The following IQSEC1 variants were observed in gnomAD, a reference collection of about 807,000 sequenced individuals.
IQSEC1 encodes IQ motif and Sec7 domain ArfGEF 1.
A neutral mutation model predicts 91.0 loss-of-function variants in IQSEC1; 31 were observed. The ratio of observed to expected loss-of-function variants is 0.34; its 90% CI spans 0.26 to 0.46. IQSEC1 has a LOEUF of 0.46. Ranked by LOEUF, IQSEC1 falls within the 20% of genes least tolerant of loss-of-function variation. The pLI is 1.00. For synonymous variants in IQSEC1, 699 were observed against 662.6 expected, an observed-to-expected ratio of 1.05 and a Z score of -0.84; for missense variants, 1,388 against 1,575.6, an observed-to-expected ratio of 0.88 and a Z score of 2.02.
At position 13,008,691 on chromosome 3, in the gene IQSEC1, C is replaced by T. The variant is rs1229540692; in HGVS notation, c.23+64301G>A. 2.6e-5 allele frequency among the ~76,000 whole-genome samples: 4 copies of T among 152,234 alleles called. No homozygotes were observed. Among genetic ancestry groups the T allele is most frequent in the Non-Finnish European group, 4.4e-5 (3 of 68,050 alleles). On this transcript the variant is annotated intron_variant, in intron 1 of 13. Coordinates refer to ENST00000613206, the MANE Select transcript of IQSEC1 (RefSeq NM_001134382.3). This position sits in a 1 kb window ranked among gnomAD's most constrained non-coding sequence, Gnocchi z 4.1. Reference sequence around the variant, plus strand: ...CAGCTCTGTGAGGGAGGGGGTCTCACGCTGGTGTCCTCACTGCTTTGAGCG... The same window carrying T: ...CAGCTCTGTGAGGGAGGGGGTCTCATGCTGGTGTCCTCACTGCTTTGAGCG...
Position 12,935,440 on chromosome 3 carries a change from G to A in IQSEC1, c.1568+8C>T. 6.2e-7 allele frequency: 1 copy of A among 1,603,656 alleles called. No homozygotes were observed. The highest frequency in any genetic ancestry group is 8.5e-7 in the Non-Finnish European group (1 of 1,172,612). Reference sequence around the variant, plus strand: ...TGCCCACCCTGAGGGGTCACCCATGGTACTCACTTGTTGAAGAGGTTCAGG... The same window carrying A: ...TGCCCACCCTGAGGGGTCACCCATGATACTCACTTGTTGAAGAGGTTCAGG... On this transcript the variant is annotated splice_region_variant and intron_variant, in intron 3 of 13. Coordinates refer to ENST00000613206, the MANE Select transcript of IQSEC1 (RefSeq NM_001134382.3). This position sits in a 1 kb window ranked among gnomAD's most constrained non-coding sequence, Gnocchi z 8.0.
At chr3:13,066,846 CGT>C (rs1705250370) in intron 1 of IQSEC1, among the ~76,000 whole-genome samples, 1 of 152,316 alleles carries the variant, frequency 6.6e-6, no homozygotes, top group Admixed American at 6.5e-5. Context: ...ACAGGCCTGG[CGT>C]GTGTCAGGAC....
chr3:13,019,529 AG>A (rs1703305065), intron 1 of IQSEC1, among the ~76,000 whole-genome samples: 2 of 152,070 alleles, frequency 1.3e-5, no homozygotes, highest in Non-Finnish European at 2.9e-5. Context: ...CTGGCAGCCG[AG>A]GGGGCTGGGA....
At chr3:13,252,380 G>C (rs1695209466) in intron 1 of IQSEC1, among the ~76,000 whole-genome samples, 1 of 152,202 alleles carries the variant, frequency 6.6e-6, no homozygotes, top group Admixed American at 6.5e-5. Flanking sequence ...AATGTCCTTT[G>C]TTTTTAAGGC....
rs1424376954 is a variant in IQSEC1, at chr3:13,021,813, C to T, written c.23+51179G>A. Reference sequence around the variant, plus strand: ...CTGCCCCTGGCGTTCCTTTCCTGAACGTGTGCTCTGGATCCCAGCCGAACG... The same window carrying T: ...CTGCCCCTGGCGTTCCTTTCCTGAATGTGTGCTCTGGATCCCAGCCGAACG... On this transcript the variant is annotated intron_variant, in intron 1 of 13. Coordinates refer to ENST00000613206, the MANE Select transcript of IQSEC1 (RefSeq NM_001134382.3). Among the ~76,000 whole-genome samples the T allele has an allele frequency of 2.6e-5, 4 of 152,274 alleles. No homozygotes were observed. In the East Asian group the frequency reaches 7.7e-4, roughly 29 times the overall value.
intron 1 of IQSEC1, among the ~76,000 whole-genome samples, chr3:13,023,167 G>A (rs1221937976): frequency 6.6e-6 from 1 of 152,216 alleles, no homozygotes; most frequent in East Asian, 1.9e-4. Context: ...TGGAGTCAGG[G>A]TGTAAGCTGG....
In IQSEC1 at chr3:13,239,662, G is replaced by A. The variant is rs369165443; in HGVS notation, c.272+43049C>T. Among the ~76,000 whole-genome samples, 48 of 152,354 alleles carry A rather than the reference G, an allele frequency of 3.2e-4. 5 individuals are homozygous for A. The highest frequency in any genetic ancestry group is 2.7e-3 in the South Asian group (13 of 4,832). ...CCCCACTTACTGAGGACAAACCCTC[G>A]GAGCCCACCCACAGGGGTTCCCAGC... On this transcript the variant is annotated intron_variant, in intron 1 of 15. Transcript: ENST00000648114.
intron 1 of IQSEC1, among the ~76,000 whole-genome samples, chr3:13,013,965 A>T (rs922022451): frequency 2.0e-5 from 3 of 152,180 alleles, no homozygotes; most frequent in African/African-American, 7.2e-5. Flanking sequence ...AGGGGCTCTG[A>T]TCTGCTCTGT....
rs572701029 is a variant in IQSEC1 at position 12,924,930 on chromosome 3, G to A, written c.1569-188C>T. ...CCTGGGTGGGAACTCAAGAACCCAG[G>A]CTGGCACTGGAAGACCCTGGGCTCC... On this transcript the variant is annotated intron_variant, in intron 3 of 13. Transcript: ENST00000613206. This position sits in a 1 kb window ranked among gnomAD's most constrained non-coding sequence, Gnocchi z 6.3. 4.8e-4 allele frequency among the ~76,000 whole-genome samples: 73 copies of A among 152,300 alleles called. No homozygotes were observed. Among genetic ancestry groups the A allele is most frequent in the African/African-American group, 1.8e-3 (73 of 41,556 alleles).
At chr3:12,976,716 G>T (rs891157774) in intron 1 of IQSEC1, among the ~76,000 whole-genome samples, 1 of 152,172 alleles carries the variant, frequency 6.6e-6, no homozygotes, top group African/African-American at 2.4e-5. Flanking sequence ...CCAGAAAGTA[G>T]CTCTGCAACT....
chr3:13,157,891 C>T (rs769879661), intron 2 of IQSEC1, among the ~76,000 whole-genome samples: 2 of 152,240 alleles, frequency 1.3e-5, no homozygotes, highest in Non-Finnish European at 2.9e-5. Flanking sequence ...AAAGTCTTTG[C>T]TCCGATTTCA....
At chr3:13,142,015 G>A (rs2124939879) in intron 2 of IQSEC1, among the ~76,000 whole-genome samples, 1 of 152,318 alleles carries the variant, frequency 6.6e-6, no homozygotes, top group Non-Finnish European at 1.5e-5. Context: ...AGCCATAGAA[G>A]GGCCCAGATC....
intron 1 of IQSEC1, 37 bp from the exon 2 acceptor site, chr3:12,941,902 C>T (rs757761143): frequency 1.2e-5 from 19 of 1,531,878 alleles, no homozygotes; most frequent in Middle Eastern, 2.3e-4. Context: ...TTCTGGTAAG[C>T]GGGAAATCTG....
chr3:13,064,523 G>A (rs1262162943), intron 1 of IQSEC1, among the ~76,000 whole-genome samples: 1 of 152,202 alleles, frequency 6.6e-6, no homozygotes, highest in Non-Finnish European at 1.5e-5. Flanking sequence ...GTGTGACAGC[G>A]ACCACAAACC....
chr3:13,003,529 C>T (rs1248327238), intron 1 of IQSEC1, among the ~76,000 whole-genome samples: 4 of 151,846 alleles, frequency 2.6e-5, no homozygotes, highest in Admixed American at 2.0e-4. Flanking sequence ...GCCATGGAAA[C>T]GATTAAAAAT....
At chr3:13,264,737 G>T (rs1411755709) in intron 1 of IQSEC1, among the ~76,000 whole-genome samples, 1 of 151,780 alleles carries the variant, frequency 6.6e-6, no homozygotes, top group Non-Finnish European at 1.5e-5. Flanking sequence ...GGGCAGGAGG[G>T]TCAAAAGGGG....
intron 2 of IQSEC1, among the ~76,000 whole-genome samples, chr3:13,157,383 A>C (rs940744958): frequency 6.6e-6 from 1 of 152,160 alleles, no homozygotes; most frequent in South Asian, 2.1e-4. Flanking sequence ...TGGCTCCTAT[A>C]AGATCTTTCT....
At position 13,276,080 on chromosome 3, in the gene IQSEC1, CTTTTTTTTTTT is replaced by C. The variant is rs796663192; in HGVS notation, c.272+6620_272+6630del. 4.3e-4 allele frequency among the ~76,000 whole-genome samples: 34 copies of C among 79,552 alleles called. 1 individual carries two copies. The highest frequency in any genetic ancestry group is 1.2e-3 in the African/African-American group (30 of 24,178). The allele number at this position is 79,552 out of a possible 152,430, so 52.2% of individuals were successfully genotyped here. A position where few individuals can be genotyped will look rare whatever the true frequency, so the allele number is the denominator to read the frequency against. The stretch of plus-strand genomic sequence containing the variant: ...AGGGAAAACAATCCTCAAAAGCATT[CTTTTTTTTTTT>C]TTTTTTTTTTTTTTTGAGACAGAGT... On this transcript the variant is annotated intron_variant, in intron 1 of 15. Transcript: ENST00000648114.
intron 1 of IQSEC1, among the ~76,000 whole-genome samples, chr3:13,024,371 CTCCATCCA>C (rs55811710): frequency 0.4 from 57,269 of 141,776 alleles, 11,641 homozygotes; most frequent in East Asian, 0.47. Flanking sequence ...CCATCCATCA[CTCCATCCA>C]TCCATCCATC....
Sources: allele counts gnomAD v4.1 joint callset (sites outside exome capture counted in the v4.1 genomes callset), GRCh38; gene constraint gnomAD v4.1.1; non-coding constraint Gnocchi (gnomAD v3.1); transcripts MANE v1.5; gene names NCBI Gene and HGNC (gene_info 2026-07-23, HGNC 2026-07-21).